Variants in TBC1D1 observed in about 807,000 individuals in gnomAD.
TBC1D1 encodes the protein TBC1 domain family member 1.
In TBC1D1, 89 loss-of-function variants were observed where a neutral mutation model predicts 125.6. The observed-to-expected ratio is 0.71, with a 90% CI of 0.60 to 0.85. TBC1D1 has a LOEUF of 0.85. Among genes scored for constraint, TBC1D1 ranks in the 40% least tolerant of loss-of-function variants. TBC1D1 has a pLI of 0.00. For synonymous variants in TBC1D1, 565 were observed against 564.1 expected, an observed-to-expected ratio of 1.00 and a Z score of -0.02; for missense variants, 1,377 against 1,469.2, an observed-to-expected ratio of 0.94 and a Z score of 1.03.
At chr4:37,950,819 T>C (rs941099427) in intron 2 of TBC1D1, among the ~76,000 whole-genome samples, 1 of 150,504 alleles carries the variant, frequency 6.6e-6, no homozygotes. Context: ...AGTGCAGTGG[T>C]GTGATCTCGA....
Position 38,014,575 on chromosome 4 carries a change from C to T in TBC1D1, c.484C>T (p.Pro162Ser). 6.2e-7 allele frequency: 1 copy of T among 1,613,394 alleles called. No individual in the cohort carries two copies. Among genetic ancestry groups the T allele is most frequent in the Non-Finnish European group, 8.5e-7 (1 of 1,180,050 alleles). Residue 162 changes from proline to serine, a missense_variant, in exon 3 of 20, where the codon CCG becomes TCG. By Grantham distance (74) the Pro-to-Ser change is moderately conservative. This residue lies in a region of TBC1D1 where 822 missense variants were observed against 824.6 expected (regional missense o/e 1.00). Coordinates refer to ENST00000261439, the MANE Select transcript of TBC1D1 (RefSeq NM_015173.4). The surrounding 1 kb of genome is among the most constrained non-coding windows in gnomAD (Gnocchi z 5.1). ...CGCCCGGCAGGAGGAGCTGCACTGC[C>T]CGTCCGAGTTCGACGACACGTTTTC...
rs1737633028 is a variant in TBC1D1 at position 37,995,613 on chromosome 4, C to T, written c.418-18896C>T. On this transcript the variant is annotated intron_variant, in intron 2 of 19. Coordinates refer to ENST00000261439, the MANE Select transcript of TBC1D1 (RefSeq NM_015173.4). This position sits in a 1 kb window ranked among gnomAD's most constrained non-coding sequence, Gnocchi z 4.3. ...GGTCCAGTACCCTGGCCTTGACCTC[C>T]CCATAGGCTGTCTTATCTCACTTTT... 2.0e-6 allele frequency: 1 copy of T among 489,248 alleles called. No homozygotes were observed. The highest frequency in any genetic ancestry group is 2.0e-5 in the African/African-American group (1 of 51,168). The allele number at this position is 489,248 out of a possible 1,614,324, so 30.3% of individuals were successfully genotyped here.
At chr4:38,122,110 T>C (rs1763945771) in intron 17 of TBC1D1, among the ~76,000 whole-genome samples, 1 of 151,564 alleles carries the variant, frequency 6.6e-6, no homozygotes, top group Admixed American at 6.6e-5. Context: ...ATGGGAGGAG[T>C]GGTGGTGAGT....
intron 1 of TBC1D1, among the ~76,000 whole-genome samples, chr4:37,899,990 A>G (rs768757637): frequency 3.0e-4 from 45 of 152,138 alleles, no homozygotes; most frequent in Admixed American, 9.2e-4. Flanking sequence ...GCGCGGTGGC[A>G]GGCGCCTGTA....
intron 17 of TBC1D1, among the ~76,000 whole-genome samples, chr4:38,123,640 C>A (rs1359380303): frequency 2.6e-5 from 4 of 152,232 alleles, no homozygotes; most frequent in Admixed American, 2.6e-4. Flanking sequence ...TGCGGCCACC[C>A]TGAGCCATCA....
intron 12 of TBC1D1, among the ~76,000 whole-genome samples, chr4:38,080,780 A>T (rs1756409461): frequency 2.6e-5 from 4 of 151,996 alleles, no homozygotes; most frequent in Admixed American, 2.0e-4. Flanking sequence ...CCCTTGGCAC[A>T]CAGACCTGGA....
chr4:37,991,633 C>CT (rs66674403), intron 2 of TBC1D1, among the ~76,000 whole-genome samples: 16 of 104,058 alleles, frequency 1.5e-4, no homozygotes, highest in Middle Eastern at 4.5e-3. Context: ...TCTTCTCTCT[C>CT]TTTTTTTTTT....
Position 38,137,491 on chromosome 4 carries a change from C to A in TBC1D1, c.*156C>A. ...GTAGATTCTTACGAACTCCAACTTG[C>A]AATTCAGGGGGCATGTCCCAGTGTT... On this transcript the variant is annotated 3_prime_UTR_variant, in exon 20 of 20. Transcript: ENST00000261439. 2 of 1,090,044 alleles carry A rather than the reference C, an allele frequency of 1.8e-6. No homozygotes were observed. Among genetic ancestry groups the A allele is most frequent in the Non-Finnish European group, 2.4e-6 (2 of 837,268 alleles). 67.5% of individuals were successfully genotyped at this position (1,090,044 alleles called of 1,614,324 possible).
intron 2 of TBC1D1, among the ~76,000 whole-genome samples, chr4:37,981,309 C>G (rs181364166): frequency 5.3e-5 from 8 of 152,258 alleles, no homozygotes; most frequent in Admixed American, 5.2e-4. Flanking sequence ...CCAGGTTTTC[C>G]GTATTTGGGC....
intron 4 of TBC1D1, among the ~76,000 whole-genome samples, chr4:38,019,776 A>ACC: frequency 6.6e-6 from 1 of 152,224 alleles, no homozygotes; most frequent in Admixed American, 6.5e-5. Flanking sequence ...ATACCATGGT[A>ACC]GAGCCTTGGC....
chr4:38,059,516 T>A (rs1164065086), intron 12 of TBC1D1, among the ~76,000 whole-genome samples: 1 of 152,168 alleles, frequency 6.6e-6, no homozygotes. Flanking sequence ...TAGTGATGCT[T>A]TAAGTGTGGC....
chr4:37,995,940 C>T lies in TBC1D1; in HGVS notation c.418-18569C>T. The T allele has an allele frequency of 1.7e-6, 1 of 575,742 alleles. No homozygotes were observed. The highest frequency in any genetic ancestry group is 3.4e-6 in the Non-Finnish European group (1 of 292,282). The allele number at this position is 575,742 out of a possible 1,614,324, so 35.7% of individuals were successfully genotyped here. On this transcript the variant is annotated intron_variant, in intron 2 of 19. Coordinates refer to ENST00000261439, the MANE Select transcript of TBC1D1 (RefSeq NM_015173.4). This position sits in a 1 kb window ranked among gnomAD's most constrained non-coding sequence, Gnocchi z 4.3. ...CTTCTCATTCCCAGGGAGAAATCCA[C>T]ACTCAAGGACTTCTTTCTTCTCTTG...
intron 2 of TBC1D1, chr4:37,960,628 G>T (rs150469423): frequency 6.2e-7 from 1 of 1,614,062 alleles, no homozygotes; most frequent in African/African-American, 1.3e-5. Context: ...AAGGCTTTGG[G>T]CACTGTCAAC....
intron 2 of TBC1D1, among the ~76,000 whole-genome samples, chr4:37,971,237 AG>A (rs1731954354): frequency 6.6e-6 from 1 of 152,190 alleles, no homozygotes; most frequent in Non-Finnish European, 1.5e-5. Context: ...AGATTTCTGT[AG>A]GGATACTGTA....
At chr4:38,136,138 C>G (rs1358044019) in intron 19 of TBC1D1, among the ~76,000 whole-genome samples, 2 of 152,024 alleles carry the variant, frequency 1.3e-5, no homozygotes, top group Non-Finnish European at 2.9e-5. Flanking sequence ...CTTAGGGAAC[C>G]CTTTAATGTC....
Position 38,089,935 on chromosome 4 carries a change from A to T in TBC1D1, c.2054A>T (p.Tyr685Phe). The T allele has an allele frequency of 6.3e-7, 1 of 1,578,408 alleles. No individual in the cohort carries two copies. ...GGAATGCCGTCTCCCTTTCCAGATT[A>T]TTCAGAGCTGGGAGAGCTTCCCCCA... Residue 685 changes from tyrosine to phenylalanine, a missense_variant, in exon 13 of 20, where the codon TAT becomes TTT. Tyr to Phe is a conservative substitution (Grantham distance 22). This residue lies in a region of TBC1D1 where 543 missense variants were observed against 613.5 expected (regional missense o/e 0.89). Transcript: ENST00000261439.
intron 2 of TBC1D1, among the ~76,000 whole-genome samples, chr4:37,957,708 A>G (rs1729199514): frequency 1.3e-5 from 2 of 152,238 alleles, no homozygotes; most frequent in African/African-American, 4.8e-5. Flanking sequence ...TTTTTATCCT[A>G]CACCACTTTT....
chr4:38,044,660 T>C (rs1749055830), intron 9 of TBC1D1, among the ~76,000 whole-genome samples, 170 bp downstream of exon 9: 2 of 152,232 alleles, frequency 1.3e-5, no homozygotes, highest in South Asian at 4.1e-4. Flanking sequence ...AAATTGTTTT[T>C]AATTTGGCCT....
intron 3 of TBC1D1, 100 bp from the exon 4 acceptor site, chr4:38,018,254 A>G: frequency 1.1e-6 from 1 of 877,644 alleles, no homozygotes; most frequent in Non-Finnish European, 1.8e-6. Context: ...ACGATGATAG[A>G]GTCAGAATTT....
Sources: gnomAD v4.1 joint callset for allele counts (sites outside exome capture counted in the v4.1 genomes callset) on GRCh38, gnomAD v4.1.1 for gene constraint, gnomAD v4.1.1 regional missense constraint, Gnocchi (gnomAD v3.1) non-coding constraint, MANE v1.5 for transcripts, NCBI Gene and HGNC (gene_info 2026-07-23, HGNC 2026-07-21) for gene names.